Variants in ZFYVE9 observed in about 807,000 individuals in gnomAD.
ZFYVE9 encodes the protein zinc finger FYVE domain-containing protein 9.
In ZFYVE9, 43 loss-of-function variants were observed where a neutral mutation model predicts 126.7. The ratio of observed to expected loss-of-function variants is 0.34; its 90% CI spans 0.27 to 0.44. ZFYVE9 has a LOEUF of 0.44. ZFYVE9 is among the 20% of genes least tolerant of loss of function. The pLI is 1.00. For missense variants in ZFYVE9, 1,476 were observed against 1,697.0 expected, an observed-to-expected ratio of 0.87 and a Z score of 2.29; for synonymous variants, 521 against 597.4, an observed-to-expected ratio of 0.87 and a Z score of 1.87.
intron 17 of ZFYVE9, among the ~76,000 whole-genome samples, chr1:52,340,451 T>G (rs1249220659): frequency 6.6e-6 from 1 of 152,234 alleles, no homozygotes; most frequent in East Asian, 1.9e-4. Flanking sequence ...TGAACTAACT[T>G]TTAGATATTT....
At chr1:52,295,843 A>T in intron 11 of ZFYVE9, 52 bp from the exon 12 acceptor site, 1 of 1,462,506 alleles carries the variant, frequency 6.8e-7, no homozygotes, top group Non-Finnish European at 9.5e-7. Flanking sequence ...AATCTCTTTT[A>T]CCAAAGTTTT....
At chr1:52,184,477 C>T (rs773326828) in intron 1 of ZFYVE9, among the ~76,000 whole-genome samples, 17 of 147,264 alleles carry the variant, frequency 1.2e-4, no homozygotes, top group African/African-American at 4.0e-4. Flanking sequence ...AACTCCTGAC[C>T]TCAGGTGATC....
intron 4 of ZFYVE9, among the ~76,000 whole-genome samples, chr1:52,241,617 A>G (rs189623421): frequency 2.6e-4 from 39 of 152,292 alleles, no homozygotes; most frequent in Non-Finnish European, 4.6e-4. Context: ...AAATGGTTGG[A>G]ATTTTTGCTG....
chr1:52,273,789 A>G (rs1249269997), intron 7 of ZFYVE9, among the ~76,000 whole-genome samples: 1 of 148,742 alleles, frequency 6.7e-6, no homozygotes, highest in African/African-American at 2.5e-5. Flanking sequence ...ATTGCACTCC[A>G]GCCTGGGCGA....
At chr1:52,330,989 C>T (rs1459843810) in intron 13 of ZFYVE9, among the ~76,000 whole-genome samples, 1 of 152,156 alleles carries the variant, frequency 6.6e-6, no homozygotes, top group East Asian at 1.9e-4. Flanking sequence ...GCCTCAGCCT[C>T]CCAAGTAGCT....
intron 12 of ZFYVE9, among the ~76,000 whole-genome samples, chr1:52,296,905 C>T (rs143810594): frequency 0.01 from 1,538 of 152,218 alleles, 13 homozygotes; most frequent in Non-Finnish European, 0.017. Flanking sequence ...CCTCCACCTC[C>T]GAGCAATTCT....
intron 15 of ZFYVE9, chr1:52,335,224 TGTTG>T (rs1248144903): frequency 6.5e-6 from 1 of 154,148 alleles, no homozygotes; most frequent in Non-Finnish European, 1.4e-5. Context: ...TTATTTTCTT[TGTTG>T]GTTATTCATT....
At chr1:52,263,971 C>A in intron 5 of ZFYVE9, 99 bp downstream of exon 5, 1 of 615,034 alleles carries the variant, frequency 1.6e-6, no homozygotes, top group South Asian at 3.2e-5. Flanking sequence ...ACAAGTTGCT[C>A]ACCTTCTCAA....
intron 13 of ZFYVE9, among the ~76,000 whole-genome samples, chr1:52,316,963 G>C (rs113638482): frequency 1.0e-3 from 159 of 152,284 alleles, no homozygotes; most frequent in Non-Finnish European, 1.7e-3. Context: ...CTCAATAAAT[G>C]TAAGATGATT....
intron 10 of ZFYVE9, among the ~76,000 whole-genome samples, chr1:52,286,620 G>T (rs1645863669): frequency 6.6e-6 from 1 of 152,086 alleles, no homozygotes; most frequent in African/African-American, 2.4e-5. Flanking sequence ...TCCATATTTT[G>T]TACCTGTTTT....
intron 12 of ZFYVE9, among the ~76,000 whole-genome samples, chr1:52,299,104 G>A (rs756083015): frequency 2.6e-5 from 4 of 152,052 alleles, no homozygotes; most frequent in Non-Finnish European, 5.9e-5. Context: ...CACCTTGCCC[G>A]GCCCTTTTTC....
chr1:52,214,765 C>A (rs917909902), intron 1 of ZFYVE9, among the ~76,000 whole-genome samples: 1 of 152,052 alleles, frequency 6.6e-6, no homozygotes, highest in African/African-American at 2.4e-5. Context: ...AAGCTGGAGA[C>A]CCAGGAAAGC....
At chr1:52,275,602 T>C (rs761264969) in intron 8 of ZFYVE9, among the ~76,000 whole-genome samples, 2 of 152,200 alleles carry the variant, frequency 1.3e-5, no homozygotes, top group African/African-American at 2.4e-5. Context: ...TGAGTTGATA[T>C]CTCATTGTGG....
chr1:52,322,702 A>C (rs1053067198), intron 13 of ZFYVE9, among the ~76,000 whole-genome samples: 1 of 151,158 alleles, frequency 6.6e-6, no homozygotes, highest in African/African-American at 2.4e-5. Context: ...AAGTCATATC[A>C]TATCACTCCT....
intron 4 of ZFYVE9, among the ~76,000 whole-genome samples, chr1:52,258,341 C>T (rs1262721828): frequency 7.1e-6 from 1 of 140,554 alleles, no homozygotes. Context: ...AAGCCTGTAG[C>T]TTAGAGAACT....
intron 1 of ZFYVE9, among the ~76,000 whole-genome samples, chr1:52,164,656 C>T (rs1345665776): frequency 6.6e-6 from 1 of 152,014 alleles, no homozygotes; most frequent in African/African-American, 2.4e-5. Context: ...ATCCGTCCAT[C>T]CATCCATCCA....
intron 1 of ZFYVE9, chr1:52,160,473 G>T: frequency 7.4e-6 from 6 of 815,750 alleles, no homozygotes; most frequent in Non-Finnish European, 1.3e-5. Flanking sequence ...AGCTGGAATG[G>T]ACGAGTGGCA....
intron 13 of ZFYVE9, among the ~76,000 whole-genome samples, chr1:52,324,940 G>C (rs1189868191): frequency 6.6e-6 from 1 of 152,040 alleles, no homozygotes; most frequent in East Asian, 1.9e-4. Flanking sequence ...TTTGAAACCA[G>C]CCTTGGCAAC....
chr1:52,221,655 A>G (rs966875771), intron 2 of ZFYVE9, among the ~76,000 whole-genome samples: 1 of 152,142 alleles, frequency 6.6e-6, no homozygotes. Flanking sequence ...TTACGGGGTC[A>G]AGGATTTTTG....
Sources: gnomAD v4.1 joint callset for allele counts (sites outside exome capture counted in the v4.1 genomes callset) on GRCh38, gnomAD v4.1.1 for gene constraint, MANE v1.5 for transcripts, NCBI Gene and HGNC (gene_info 2026-07-23, HGNC 2026-07-21) for gene names.